The following ARHGEF3 variants were observed in gnomAD, a reference collection of about 807,000 sequenced individuals.
The protein encoded by ARHGEF3 is 59.8 kDA protein.
ARHGEF3 carries 28 observed loss-of-function variants against 63.2 expected under a neutral mutation model. The observed-to-expected ratio is 0.44, with a 90% CI of 0.33 to 0.61. The LOEUF is 0.61. Ranked by LOEUF, ARHGEF3 falls within the 20% of genes least tolerant of loss-of-function variation. The pLI is 0.03. For synonymous variants in ARHGEF3, 266 were observed against 254.2 expected, an observed-to-expected ratio of 1.05 and a Z score of -0.44; for missense variants, 533 against 659.3, an observed-to-expected ratio of 0.81 and a Z score of 2.10.
intron 4 of ARHGEF3, among the ~76,000 whole-genome samples, chr3:56,837,691 C>T (rs558375514): frequency 1.3e-5 from 2 of 152,298 alleles, no homozygotes; most frequent in East Asian, 1.9e-4. Context: ...CAATAAACTG[C>T]GGCAGGTCCT....
chr3:57,047,744 G>A (rs1262627077), intron 1 of ARHGEF3, among the ~76,000 whole-genome samples: 2 of 152,198 alleles, frequency 1.3e-5, no homozygotes, highest in East Asian at 1.9e-4. Context: ...CAATGCTGTC[G>A]ATTTTGGGAG....
chr3:56,939,997 G>A (rs1699097661), intron 3 of ARHGEF3: 1 of 152,208 alleles, frequency 6.6e-6, no homozygotes, highest in Non-Finnish European at 1.5e-5. Context: ...CTTGATCCAA[G>A]TTGGACCAAT....
intron 1 of ARHGEF3, among the ~76,000 whole-genome samples, chr3:56,785,596 T>C (rs1317096323): frequency 6.6e-6 from 1 of 152,180 alleles, no homozygotes; most frequent in Non-Finnish European, 1.5e-5. Context: ...AGAAAAGTCC[T>C]CTCTCTTTCT....
At chr3:56,953,948 C>A (rs1291750247) in intron 3 of ARHGEF3, among the ~76,000 whole-genome samples, 1 of 152,228 alleles carries the variant, frequency 6.6e-6, no homozygotes, top group African/African-American at 2.4e-5. Flanking sequence ...CTAGTTTTAA[C>A]TGAGTTTCTA....
At chr3:56,761,633 C>G (rs901574352) in intron 2 of ARHGEF3, among the ~76,000 whole-genome samples, 1 of 152,066 alleles carries the variant, frequency 6.6e-6, no homozygotes, top group Admixed American at 6.5e-5. Flanking sequence ...GTTATGCTTG[C>G]TATGTGCTGG....
intron 2 of ARHGEF3, among the ~76,000 whole-genome samples, chr3:57,015,221 T>G (rs552385979): frequency 6.6e-6 from 1 of 152,164 alleles, no homozygotes; most frequent in Non-Finnish European, 1.5e-5. Flanking sequence ...TGCAGACACA[T>G]GGTAACACTA....
intron 2 of ARHGEF3, among the ~76,000 whole-genome samples, chr3:56,762,018 G>A (rs1393710748): frequency 1.3e-5 from 2 of 152,116 alleles, no homozygotes; most frequent in Non-Finnish European, 2.9e-5. Context: ...TTTATTGTGG[G>A]AGGCTCTCCT....
upstream of ARHGEF3, among the ~76,000 whole-genome samples, chr3:56,803,825 C>T (rs116574411): frequency 6.6e-6 from 1 of 151,916 alleles, no homozygotes; most frequent in African/African-American, 2.4e-5. Context: ...AAAATACCTT[C>T]ATTCATGGCA....
chr3:56,898,270 CATA>C lies in ARHGEF3; in HGVS notation c.130-15919_130-15917del, dbSNP rs769787769. ...TGTTGCCCAGGCTGGAGTGCAGCGG[CATA>C]ATCTCAGCTCACTGAAACCTCCACT... On this transcript the variant is annotated intron_variant, in intron 3 of 12. Coordinates refer to the ARHGEF3 transcript ENST00000338458. 3.3e-5 allele frequency among the ~76,000 whole-genome samples: 5 copies of C among 152,236 alleles called. 1 individual carries two copies. Among genetic ancestry groups the C allele is most frequent in the East Asian group, 3.9e-4 (2 of 5,168 alleles).
intron 4 of ARHGEF3, among the ~76,000 whole-genome samples, chr3:56,879,256 C>T (rs530059657): frequency 2.0e-5 from 3 of 152,312 alleles, no homozygotes; most frequent in East Asian, 1.9e-4. Flanking sequence ...TCCACGAAAC[C>T]GGCCCCTGGT....
At chr3:56,772,312 T>G (rs2036050837) in intron 2 of ARHGEF3, among the ~76,000 whole-genome samples, 2 of 152,030 alleles carry the variant, frequency 1.3e-5, no homozygotes, top group Non-Finnish European at 2.9e-5. Flanking sequence ...CTATGTGGAG[T>G]CATGACATAT....
chr3:57,064,080 A>G (rs1342131417), intron 1 of ARHGEF3, among the ~76,000 whole-genome samples: 1 of 152,192 alleles, frequency 6.6e-6, no homozygotes, highest in Non-Finnish European at 1.5e-5. Context: ...CAGCCTGGGC[A>G]ACATGGCAAA....
chr3:57,057,083 A>G (rs1236504173), intron 1 of ARHGEF3, among the ~76,000 whole-genome samples: 1 of 152,036 alleles, frequency 6.6e-6, no homozygotes, highest in Non-Finnish European at 1.5e-5. Context: ...AATGGGGTCT[A>G]CACTGCAGGT....
At chr3:56,977,251 T>C (rs1481232618) in intron 2 of ARHGEF3, 2 of 456,716 alleles carry the variant, frequency 4.4e-6, no homozygotes, top group Non-Finnish European at 8.8e-6. Context: ...AAAATGACTG[T>C]AATTATCAGC....
chr3:57,036,765 C>G (rs1046296721), intron 1 of ARHGEF3, among the ~76,000 whole-genome samples: 8 of 152,208 alleles, frequency 5.3e-5, no homozygotes, highest in African/African-American at 9.6e-5. Flanking sequence ...ATTTGGACCA[C>G]CCATGTTCTT....
chr3:56,975,043 C>T (rs890761872), intron 2 of ARHGEF3, among the ~76,000 whole-genome samples: 4 of 152,128 alleles, frequency 2.6e-5, no homozygotes, highest in African/African-American at 9.7e-5. Context: ...TCATCAGCAC[C>T]ACTGCCCATT....
intron 3 of ARHGEF3, among the ~76,000 whole-genome samples, chr3:56,944,932 T>A (rs533596200): frequency 6.6e-6 from 1 of 152,272 alleles, no homozygotes; most frequent in South Asian, 2.1e-4. Flanking sequence ...CTGTGAACAT[T>A]CTTGAAATGA....
At chr3:56,872,512 CTTTTT>C (rs71621849) in intron 4 of ARHGEF3, among the ~76,000 whole-genome samples, 3 of 137,380 alleles carry the variant, frequency 2.2e-5, no homozygotes, top group Non-Finnish European at 4.6e-5. Context: ...TTTTCATATA[CTTTTT>C]TTTTTTTTTT....
intron 4 of ARHGEF3, among the ~76,000 whole-genome samples, chr3:56,810,781 A>G (rs969153001): frequency 6.6e-6 from 1 of 152,214 alleles, no homozygotes; most frequent in Non-Finnish European, 1.5e-5. Flanking sequence ...TCAAATCCAT[A>G]TATATCCCTA....
Sources: allele counts gnomAD v4.1 joint callset (sites outside exome capture counted in the v4.1 genomes callset), GRCh38; gene constraint gnomAD v4.1.1; transcripts MANE v1.5; gene names NCBI Gene and HGNC (gene_info 2026-07-23, HGNC 2026-07-21).